Variants in PARP10 observed in about 807,000 individuals in gnomAD.
PARP10 encodes protein mono-ADP-ribosyltransferase PARP10.
PARP10 carries 56 observed loss-of-function variants against 82.4 expected under a neutral mutation model. The observed-to-expected ratio is 0.68, with a 90% CI of 0.55 to 0.85. The LOEUF is 0.85. Ranked by LOEUF, PARP10 falls within the 40% of genes least tolerant of loss-of-function variation. The pLI, the probability that PARP10 is intolerant of heterozygous loss-of-function variation, is 0.00. For missense variants in PARP10, 1,227 were observed against 1,379.4 expected (o/e 0.89, Z 1.75); for synonymous variants, 576 against 601.1 (o/e 0.96, Z 0.61).
At position 144,008,378 on chromosome 8, in the gene PARP10, G is replaced by A. The variant is rs1482803861; in HGVS notation, c.-80+4152C>T. On this transcript the variant is annotated intron_variant, in intron 1 of 3. Coordinates refer to the PARP10 transcript ENST00000530478. The surrounding 1 kb of genome is among the most constrained non-coding windows in gnomAD (Gnocchi z 4.0). The stretch of plus-strand genomic sequence containing the variant: ...AATCCCAAGCCAAGAAAGGGGCAAA[G>A]ATCCCTGAAGGCCTTGCCAAGCTGA... Among the ~76,000 whole-genome samples the A allele has an allele frequency of 2.6e-5, 4 of 152,230 alleles. No individual in the cohort carries two copies. Among genetic ancestry groups the A allele is most frequent in the African/African-American group, 4.8e-5 (2 of 41,450 alleles).
chr8:144,004,012 GCAA>G (rs1277619421), intron 1 of PARP10, among the ~76,000 whole-genome samples: 9 of 151,828 alleles, frequency 5.9e-5, no homozygotes, highest in Non-Finnish European at 1.0e-4. Flanking sequence ...TCCAGCCTGG[GCAA>G]CAACAACAAC....
Position 143,978,028 on chromosome 8 carries a change from C to T in PARP10, c.2610G>A (p.Glu870=). Residue 870 remains glutamate (E), a synonymous_variant, in exon 10 of 11, where the codon GAG becomes GAA. Transcript: ENST00000313028. ...GCCGCTCGCATCGCTGCAGCAGGCG[C>T]TCCCGGTACAGCTCATACTGCTGCT... ...LLQQQYELYR[E]RLLQRCERRP... 1.3e-6 allele frequency: 2 copies of T among 1,581,550 alleles called. No homozygotes were observed. Among genetic ancestry groups the T allele is most frequent in the Non-Finnish European group, 1.7e-6 (2 of 1,170,404 alleles).
At chr8:143,982,856 C>A in intron 9 of PARP10, 76 bp downstream of exon 9, 2 of 1,573,528 alleles carry the variant, frequency 1.3e-6, no homozygotes, top group East Asian at 2.2e-5. Context: ...GAGGGACAGG[C>A]CACAGACTTG....
intron 9 of PARP10, among the ~76,000 whole-genome samples, chr8:143,982,624 C>T (rs1833889474): frequency 6.6e-6 from 1 of 152,224 alleles, no homozygotes; most frequent in Non-Finnish European, 1.5e-5. Context: ...GGCATCACCG[C>T]CCCATGCTCC....
At chr8:143,995,338 C>T (rs868926969), upstream of PARP10, among the ~76,000 whole-genome samples, 13 of 152,208 alleles carry the variant, frequency 8.5e-5, no homozygotes, top group African/African-American at 2.9e-4. Flanking sequence ...CAGAGAGGAG[C>T]TGGGAGCACA....
At chr8:143,983,970 G>T (rs2133047117) in intron 7 of PARP10, 38 bp downstream of exon 7, 1 of 1,489,446 alleles carries the variant, frequency 6.7e-7, no homozygotes. Context: ...GTCAAGTGAG[G>T]GCCACAGGAT....
At chr8:144,006,498 G>C (rs1834237541) in intron 1 of PARP10, among the ~76,000 whole-genome samples, 1 of 152,242 alleles carries the variant, frequency 6.6e-6, no homozygotes, top group African/African-American at 2.4e-5. Context: ...GACTTTGGGG[G>C]CCCTGAGGGG....
chr8:143,983,245 C>T lies in PARP10; in HGVS notation c.2344G>A (p.Ala782Thr). 6.2e-7 allele frequency: 1 copy of T among 1,613,230 alleles called. No individual in the cohort carries two copies. The highest frequency in any genetic ancestry group is 1.3e-5 in the African/African-American group (1 of 75,062). The change falls in exon 8 of 11, where the codon GCC (alanine) becomes ACC (threonine). Residue 782 changes from alanine (A) to threonine (T), a missense_variant. Coordinates refer to ENST00000313028, the MANE Select transcript of PARP10 (RefSeq NM_032789.5). ...RGFGAHPARA[A>T]RHLVALLAGP... ...GCCAGAAGTGCCACCAAGTGGCGGG[C>T]AGCACGGGCAGGGTGGGCCCCGAAG...
At chr8:143,994,124 T>C (rs1415043749), upstream of PARP10, among the ~76,000 whole-genome samples, 10 of 152,238 alleles carry the variant, frequency 6.6e-5, no homozygotes, top group African/African-American at 2.2e-4. Flanking sequence ...ATATTCCCAC[T>C]GCAGCCTCGA....
chr8:144,003,569 T>C (rs1834216810), intron 1 of PARP10, among the ~76,000 whole-genome samples: 1 of 152,182 alleles, frequency 6.6e-6, no homozygotes, highest in African/African-American at 2.4e-5. Flanking sequence ...CCTGGCTTTC[T>C]GCCTAGAGGC....
intron 9 of PARP10, among the ~76,000 whole-genome samples, chr8:143,978,379 A>G (rs1409648198): frequency 6.6e-6 from 1 of 152,166 alleles, no homozygotes; most frequent in Non-Finnish European, 1.5e-5. Context: ...CCAGGGCCCT[A>G]TGCTGCCTAC....
At chr8:143,986,579 A>T (rs1833996627), upstream of PARP10, 8 of 714,146 alleles carry the variant, frequency 1.1e-5, no homozygotes, top group South Asian at 1.3e-4. Context: ...ACCAGGAGGT[A>T]TTGGCCAGGC....
upstream of PARP10, chr8:143,991,635 G>T (rs367779405): frequency 1.3e-6 from 2 of 1,592,364 alleles, no homozygotes; most frequent in Non-Finnish European, 1.7e-6. Context: ...TGGGGTGGCC[G>T]GGAGGGCAGG....
rs1554746817 is a variant in PARP10 at position 143,978,001 on chromosome 8, G to T, written c.2637C>A (p.Arg879=). Residue 879 remains arginine, a synonymous_variant, in exon 10 of 11, where the codon CGC becomes CGA. Transcript: ENST00000313028. ...RERLLQRCER[R]PVEQVLYHGT... ...CGTGGTACAGCACCTGCTCCACCGG[G>T]CGCCGCTCGCATCGCTGCAGCAGGC... The T allele has an allele frequency of 6.3e-7, 1 of 1,590,640 alleles. No individual in the cohort carries two copies.
rs1390101398 is a variant in PARP10, at chr8:143,984,421, G to C, written c.1469C>G (p.Ala490Gly). ...CTCAGCCGCCTGGCAGGAAGCCTGG[G>C]CTCCACAGAGCTGCAGGGCCATTGC... ...PDMTGFRLCGAQASCQAAEEF... is the reference protein window; with the variant it reads ...PDMTGFRLCGGQASCQAAEEF... The change falls in exon 6 of 11, where the codon GCC becomes GGC. Residue 490 changes from alanine (A) to glycine (G), a missense_variant. Physicochemically the swap from Ala to Gly is moderately conservative, Grantham distance 60. Coordinates refer to ENST00000313028, the MANE Select transcript of PARP10 (RefSeq NM_032789.5). 2 of 1,608,992 alleles carry C rather than the reference G, an allele frequency of 1.2e-6. No individual in the cohort carries two copies. Among genetic ancestry groups the C allele is most frequent in the African/African-American group, 2.7e-5 (2 of 74,984 alleles).
At position 143,999,629 on chromosome 8, in the gene PARP10, G is replaced by A. The variant is rs891133370; in HGVS notation, c.-80+12901C>T. Among the ~76,000 whole-genome samples the A allele has an allele frequency of 5.3e-5, 8 of 151,148 alleles. No individual in the cohort carries two copies. In the South Asian group the frequency reaches 1.0e-3, roughly 20 times the overall value. On this transcript the variant is annotated intron_variant, in intron 1 of 3. Transcript: ENST00000530478. ...GACCTCCTGAAGTGCTGGGATTACC[G>A]CATCCAGACTCAAATTGAGCTTCTT...
intron 1 of PARP10, among the ~76,000 whole-genome samples, chr8:144,001,782 A>G (rs1451637582): frequency 2.0e-5 from 3 of 152,130 alleles, no homozygotes; most frequent in African/African-American, 7.2e-5. Flanking sequence ...TCAAGCCTGT[A>G]ATTCCAACAG....
At chr8:143,986,967 C>G (rs141500060), upstream of PARP10, 1 of 157,174 alleles carries the variant, frequency 6.4e-6, no homozygotes, top group South Asian at 1.8e-4. Flanking sequence ...CAAGAATGTG[C>G]ATTGCAGCAC....
intron 1 of PARP10, among the ~76,000 whole-genome samples, chr8:143,999,580 G>A (rs113808440): frequency 0.048 from 7,333 of 151,676 alleles, 600 homozygotes; most frequent in African/African-American, 0.17. Flanking sequence ...TCGAAGTCCT[G>A]GCCTCAAGCA....
Sources: gnomAD v4.1 joint callset for allele counts (sites outside exome capture counted in the v4.1 genomes callset) on GRCh38, gnomAD v4.1.1 for gene constraint, Gnocchi (gnomAD v3.1) non-coding constraint, MANE v1.5 for transcripts, NCBI Gene and HGNC (gene_info 2026-07-23, HGNC 2026-07-21) for gene names.